OR5B3: variants seen among roughly 807,000 people sequenced by gnomAD.
The protein encoded by OR5B3 is olfactory receptor family 5 subfamily B member 3, also known as olfactory receptor 5B3.
For missense variants in OR5B3, 430 were observed against 375.4 expected, an observed-to-expected ratio of 1.15 and a Z score of -1.20; for synonymous variants, 150 against 135.0, an observed-to-expected ratio of 1.11 and a Z score of -0.77.
In OR5B3 at chr11:58,403,337, G is replaced by A. The variant is rs1392670148; in HGVS notation, c.73C>T (p.Leu25Phe). 2 of 1,612,486 alleles carry A rather than the reference G, an allele frequency of 1.2e-6. No homozygotes were observed. The highest frequency in any genetic ancestry group is 1.7e-6 in the Non-Finnish European group (2 of 1,179,110). Residue 25 changes from leucine to phenylalanine, a missense_variant, in exon 2 of 2, where the codon CTC (leucine) becomes TTC (phenylalanine). Transcript: ENST00000641865. ...LTNDSELQVP[L>F]FITFPFIYII... is the part of the protein sequence containing the mutation. ...TAGATGAAGGGGAACGTTATAAAGA[G>A]GGGAACCTGCAGTTCTGAGTCATTG...
chr11:58,406,319 A>G (rs1377268697), intron 1 of OR5B3, among the ~76,000 whole-genome samples: 5 of 152,170 alleles, frequency 3.3e-5, no homozygotes, highest in African/African-American at 1.2e-4. Flanking sequence ...AGTTAAATCC[A>G]TCTTCAATCT....
rs779154597 is a variant in OR5B3, at chr11:58,402,644, T to C, written c.766A>G (p.Met256Val). Reference sequence around the variant, plus strand: ...TGACTGGAGCTGGGTTGTAAGTACATGAAGATAATAGTCCCATAGAAGATG... The same window carrying C: ...TGACTGGAGCTGGGTTGTAAGTACACGAAGATAATAGTCCCATAGAAGATG... ...VGIFYGTIIF[M>V]YLQPSSSHSM... is the part of the protein sequence containing the mutation. Residue 256 changes from methionine to valine, a missense_variant, in exon 2 of 2, where the codon ATG becomes GTG. Transcript: ENST00000641865. 6 of 1,613,786 alleles carry C rather than the reference T, an allele frequency of 3.7e-6. No individual in the cohort carries two copies. The highest frequency in any genetic ancestry group is 2.2e-5 in the East Asian group (1 of 44,886).
chr11:58,405,962 T>C (rs1855094273), intron 1 of OR5B3, among the ~76,000 whole-genome samples: 2 of 152,114 alleles, frequency 1.3e-5, no homozygotes, highest in African/African-American at 4.8e-5. Flanking sequence ...TGTATTTGGA[T>C]TGGGGCCTGG....
In OR5B3 at chr11:58,402,818, T is replaced by C. The variant is rs11229410; in HGVS notation, c.592A>G (p.Ile198Val). 0.35 allele frequency: 561,456 copies of C among 1,612,694 alleles called. 100,166 individuals are homozygous for C. The highest frequency in any genetic ancestry group is 0.37 in the Non-Finnish European group (435,175 of 1,179,054). Residue 198 changes from isoleucine to valine, a missense_variant, in exon 2 of 2, where the codon ATT (isoleucine) becomes GTT (valine). Ile to Val is a conservative substitution (Grantham distance 29). Coordinates refer to ENST00000641865, the MANE Select transcript of OR5B3 (RefSeq NM_001005469.2). The part of the protein sequence containing the change: ...SDRHISELVL[I>V]YVVSFNIFIA... ...AAGATATTGAAGCTCACAACATAAA[T>C]AAGAACAAGCTCGCTAATATGTCTA...
chr11:58,405,544 C>T (rs114839907), intron 1 of OR5B3, among the ~76,000 whole-genome samples: 1,564 of 152,030 alleles, frequency 0.01, 12 homozygotes, highest in East Asian at 0.026. Flanking sequence ...GGGAGCTGAA[C>T]GATGAAACCA....
Position 58,402,770 on chromosome 11 carries a change from T to C in OR5B3, c.640A>G (p.Ile214Val), listed in dbSNP as rs749031147. Residue 214 changes from isoleucine (I) to valine (V), a missense_variant, in exon 2 of 2, where the codon ATA (isoleucine) becomes GTA (valine). Transcript: ENST00000641865. ...GTGATAAAAATGAATGTGTAGGATA[T>C]CAAGATAACCAGGAGAGCTATAAAG... ...NIFIALLVIL[I>V]SYTFIFITIL... 1.9e-6 allele frequency: 3 copies of C among 1,613,852 alleles called. No individual in the cohort carries two copies. Among genetic ancestry groups the C allele is most frequent in the Non-Finnish European group, 2.5e-6 (3 of 1,179,948 alleles).
intron 1 of OR5B3, among the ~76,000 whole-genome samples, chr11:58,404,604 C>G (rs1445567870): frequency 6.6e-6 from 1 of 151,874 alleles, no homozygotes; most frequent in Non-Finnish European, 1.5e-5. Context: ...TTCCTCCAAG[C>G]AAATGATTGT....
rs746677158 is a variant in OR5B3 at position 58,402,981 on chromosome 11, G to A, written c.429C>T (p.Ala143=). The change falls in exon 2 of 2, where the codon GCC becomes GCT. Residue 143 remains alanine (A), a synonymous_variant. Coordinates refer to ENST00000641865, the MANE Select transcript of OR5B3 (RefSeq NM_001005469.2). ...TMTTTVCARL[A]IGSYLCGFLN... ...GGAAACCACAGAGGTAGGAGCCTAT[G>A]GCCAGACGAGCACACACAGTTGTTG... 2 of 1,614,056 alleles carry A rather than the reference G, an allele frequency of 1.2e-6. No homozygotes were observed. The highest frequency in any genetic ancestry group is 3.3e-5 in the Admixed American group (2 of 60,000).
chr11:58,404,556 G>A (rs1208552242), intron 1 of OR5B3, among the ~76,000 whole-genome samples: 2 of 151,762 alleles, frequency 1.3e-5, no homozygotes, highest in Non-Finnish European at 2.9e-5. Flanking sequence ...TAGGACCACT[G>A]AGATTTTCTG....
rs1855060143 is a variant in OR5B3 at position 58,403,271 on chromosome 11, T to C, written c.139A>G (p.Ile47Val). The change falls in exon 2 of 2, where the codon ATA (isoleucine) becomes GTA (valine). Residue 47 changes from isoleucine to valine, a missense_variant. Physicochemically the swap from Ile to Val is conservative, Grantham distance 29. Transcript: ENST00000641865. Reference sequence around the variant, plus strand: ...TTGTGGAGACAGGAATCCCAGAATATCAATACAATAATTCCCAGGTTTCCA... The same window carrying C: ...TTGTGGAGACAGGAATCCCAGAATACCAATACAATAATTCCCAGGTTTCCA... ...LVGNLGIIVL[I>V]FWDSCLHNPM... is the part of the protein sequence containing the mutation. The C allele has an allele frequency of 6.2e-7, 1 of 1,613,672 alleles. No homozygotes were observed. Among genetic ancestry groups the C allele is most frequent in the South Asian group, 1.1e-5 (1 of 91,068 alleles).
rs370765320 is a variant in OR5B3, at chr11:58,402,603, G to A, written c.807C>T (p.Asp269=). The stretch of plus-strand genomic sequence containing the variant: ...TTGTATAGAACACAGGTGCCATTTT[G>A]TCTGTGTCCATGGAGTGACTGGAGC... ...QPSSSHSMDT[D]KMAPVFYTMV... Residue 269 remains aspartate, a synonymous_variant, in exon 2 of 2, where the codon GAC becomes GAT. Coordinates refer to ENST00000641865, the MANE Select transcript of OR5B3 (RefSeq NM_001005469.2). 75 of 1,613,500 alleles carry A rather than the reference G, an allele frequency of 4.6e-5. No individual in the cohort carries two copies. Among genetic ancestry groups the A allele is most frequent in the Non-Finnish European group, 5.8e-5 (69 of 1,179,608 alleles).
rs1184559999 is a variant in OR5B3, at chr11:58,403,315, A to G, written c.95T>C (p.Ile32Thr). ...QVPLFITFPFIYIITLVGNLG... is the reference protein window; with the variant it reads ...QVPLFITFPFTYIITLVGNLG... ...GTTTCCAACCAGAGTGATAATATAG[A>G]TGAAGGGGAACGTTATAAAGAGGGG... Residue 32 changes from isoleucine to threonine, a missense_variant, in exon 2 of 2, where the codon ATC becomes ACC. Coordinates refer to ENST00000641865, the MANE Select transcript of OR5B3 (RefSeq NM_001005469.2). 2 of 1,612,362 alleles carry G rather than the reference A, an allele frequency of 1.2e-6. No individual in the cohort carries two copies. The highest frequency in any genetic ancestry group is 1.7e-6 in the Non-Finnish European group (2 of 1,178,752).
chr11:58,406,270 T>C (rs1855099319), intron 1 of OR5B3, among the ~76,000 whole-genome samples: 1 of 152,170 alleles, frequency 6.6e-6, no homozygotes, highest in Non-Finnish European at 1.5e-5. Context: ...GATATGATGC[T>C]CCAAAATTAT....
intron 1 of OR5B3, among the ~76,000 whole-genome samples, chr11:58,405,564 A>T (rs1264808515): frequency 1.3e-5 from 2 of 152,146 alleles, no homozygotes; most frequent in Non-Finnish European, 2.9e-5. Context: ...ACATGGACAC[A>T]TGGTAGAGAA....
At position 58,403,092 on chromosome 11, in the gene OR5B3, G is replaced by A. The variant is rs78803910; in HGVS notation, c.318C>T (p.Ala106=). 1.4e-3 allele frequency: 2,268 copies of A among 1,614,080 alleles called. 26 individuals carry two copies. The African/African-American group carries it at 0.028, about 20-fold the overall frequency. Residue 106 remains alanine (A), a synonymous_variant, in exon 2 of 2, where the codon GCC becomes GCT. Transcript: ENST00000641865. ...AAQMYIFVAF[A]TVENYLLASM... is the part of the protein sequence containing the mutation. ...AGGCCAAGAGGTAATTTTCCACAGT[G>A]GCAAAAGCTACAAAGATATACATTT...
intron 1 of OR5B3, among the ~76,000 whole-genome samples, chr11:58,405,744 C>A (rs1215119231): frequency 6.6e-6 from 1 of 152,088 alleles, no homozygotes; most frequent in Non-Finnish European, 1.5e-5. Context: ...GCACACGTAG[C>A]CCTGAACTTA....
chr11:58,403,032 T>A lies in OR5B3; in HGVS notation c.378A>T (p.Lys126Asn). The A allele has an allele frequency of 6.2e-7, 1 of 1,613,674 alleles. No homozygotes were observed. Among genetic ancestry groups the A allele is most frequent in the Non-Finnish European group, 8.5e-7 (1 of 1,179,874 alleles). ...MAYDRYAAVC[K>N]PLHYTTTMTT... Reference sequence around the variant, plus strand: ...TCATGGTTGTGGTGTAATGTAGGGGTTTGCACACTGCTGCATAGCGGTCAT... The same window carrying A: ...TCATGGTTGTGGTGTAATGTAGGGGATTGCACACTGCTGCATAGCGGTCAT... The change falls in exon 2 of 2, where the codon AAA (lysine) becomes AAT (asparagine). Residue 126 changes from lysine (K) to asparagine (N), a missense_variant. Lys to Asn is a moderately conservative substitution (Grantham distance 94). Transcript: ENST00000641865.
At chr11:58,403,536 C>T (rs545925377) in intron 1 of OR5B3, 101 bp from the exon 2 acceptor site, 11 of 560,552 alleles carry the variant, frequency 2.0e-5, no homozygotes, top group Admixed American at 3.3e-5. Context: ...ATAACTTGTA[C>T]TTCAAGATTC....
At chr11:58,405,230 A>AT (rs1855084720) in intron 1 of OR5B3, among the ~76,000 whole-genome samples, 1 of 152,144 alleles carries the variant, frequency 6.6e-6, no homozygotes, top group African/African-American at 2.4e-5. Flanking sequence ...ACATGATTTC[A>AT]TTTTTTAGGG....
Sources: allele counts gnomAD v4.1 joint callset (sites outside exome capture counted in the v4.1 genomes callset), GRCh38; gene constraint gnomAD v4.1.1; transcripts MANE v1.5; gene names NCBI Gene and HGNC (gene_info 2026-07-23, HGNC 2026-07-21).